ZMAT5: variants seen among roughly 807,000 people sequenced by gnomAD.
ZMAT5 encodes the protein zinc finger matrin-type 5.
A neutral mutation model predicts 28.0 loss-of-function variants in ZMAT5; 23 were observed. The observed-to-expected ratio is 0.82, with a 90% confidence interval of 0.59 to 1.16. The LOEUF (loss-of-function observed/expected upper bound fraction) is 1.16, where lower values mean the gene tolerates loss of function less well. ZMAT5 is among the 50% of genes most tolerant of loss of function. The probability of loss-of-function intolerance (pLI) is 0.00; values close to 1 mark genes in which losing one functional copy is unlikely to be tolerated. For missense variants in ZMAT5, 173 were observed against 212.7 expected, an observed-to-expected ratio of 0.81 and a Z score of 1.16; for synonymous variants, 76 against 84.1, an observed-to-expected ratio of 0.90 and a Z score of 0.52.
At chr22:29,754,215 T>G (rs117750923) in intron 1 of ZMAT5, among the ~76,000 whole-genome samples, 2,863 of 152,180 alleles carry the variant, frequency 0.019, 43 homozygotes, top group Middle Eastern at 0.037. Flanking sequence ...CCTCTGAGGG[T>G]GGCACACGCA....
chr22:29,734,866 C>T (rs911659897), intron 5 of ZMAT5, among the ~76,000 whole-genome samples: 5 of 152,062 alleles, frequency 3.3e-5, no homozygotes, highest in East Asian at 3.9e-4. Flanking sequence ...TGGGGCTGTG[C>T]GGCCAGAGGT....
intron 1 of ZMAT5, among the ~76,000 whole-genome samples, chr22:29,753,516 C>T (rs131269): frequency 0.26 from 40,205 of 151,748 alleles, 6,753 homozygotes; most frequent in Non-Finnish European, 0.39. Flanking sequence ...CAGAGCAAGA[C>T]TCCATCTGAA....
At chr22:29,731,501 G>T in intron 5 of ZMAT5, 147 bp from the exon 6 acceptor site, 1 of 1,122,786 alleles carries the variant, frequency 8.9e-7, no homozygotes, top group Non-Finnish European at 1.2e-6. Flanking sequence ...TCGAAAATAG[G>T]CAGACCGTTT....
At chr22:29,739,632 C>T (rs771574900) in intron 4 of ZMAT5, among the ~76,000 whole-genome samples, 8 of 152,342 alleles carry the variant, frequency 5.3e-5, no homozygotes, top group African/African-American at 9.6e-5. Flanking sequence ...TGTCCCCGCT[C>T]GGCATCGTCT....
intron 5 of ZMAT5, among the ~76,000 whole-genome samples, chr22:29,732,564 C>T (rs550989832): frequency 2.0e-5 from 3 of 151,922 alleles, no homozygotes; most frequent in East Asian, 1.9e-4. Flanking sequence ...GGTGAAACCC[C>T]GTCTCTACTA....
At chr22:29,748,942 G>T (rs1052629814) in intron 1 of ZMAT5, among the ~76,000 whole-genome samples, 6 of 152,204 alleles carry the variant, frequency 3.9e-5, no homozygotes, top group African/African-American at 1.4e-4. Context: ...CTCTCAAAGT[G>T]CTGGGATTAC....
chr22:29,737,005 G>A (rs575226977), intron 5 of ZMAT5, among the ~76,000 whole-genome samples: 159 of 143,742 alleles, frequency 1.1e-3, no homozygotes, highest in Middle Eastern at 4.3e-3. Flanking sequence ...CAGCCTGGGC[G>A]GTAGAGCAAG....
intron 2 of ZMAT5, chr22:29,747,386 G>C (rs2068017789): frequency 6.6e-6 from 1 of 152,218 alleles, no homozygotes; most frequent in African/African-American, 2.4e-5. Flanking sequence ...CAAAGTGCTA[G>C]GATTACAGGG....
chr22:29,751,768 A>G (rs1601725611), intron 1 of ZMAT5, among the ~76,000 whole-genome samples: 1 of 152,134 alleles, frequency 6.6e-6, no homozygotes, highest in South Asian at 2.1e-4. Flanking sequence ...GGAGTTCAAG[A>G]CCAGCCTGGG....
chr22:29,738,729 C>T (rs892044095), intron 4 of ZMAT5, among the ~76,000 whole-genome samples: 1 of 152,078 alleles, frequency 6.6e-6, no homozygotes, highest in Non-Finnish European at 1.5e-5. Flanking sequence ...CCTGGCCAGG[C>T]GTGGTGGCTC....
chr22:29,765,611 T>C (rs923755092), intron 1 of ZMAT5, among the ~76,000 whole-genome samples: 2 of 151,844 alleles, frequency 1.3e-5, no homozygotes, highest in South Asian at 2.1e-4. Flanking sequence ...GGCTCACGCC[T>C]GTAATCCCAG....
chr22:29,741,648 G>A (rs1428014398), intron 3 of ZMAT5, among the ~76,000 whole-genome samples: 2 of 152,076 alleles, frequency 1.3e-5, no homozygotes, highest in Non-Finnish European at 2.9e-5. Flanking sequence ...TTTACCTCTT[G>A]CTCTGTCTTT....
At chr22:29,733,339 C>T (rs917625690) in intron 5 of ZMAT5, among the ~76,000 whole-genome samples, 2 of 152,138 alleles carry the variant, frequency 1.3e-5, no homozygotes, top group Admixed American at 6.5e-5. Flanking sequence ...CTCTGACCTC[C>T]GAGGGGGAGG....
At chr22:29,752,638 G>A (rs1330797050) in intron 1 of ZMAT5, among the ~76,000 whole-genome samples, 2 of 152,196 alleles carry the variant, frequency 1.3e-5, no homozygotes, top group Non-Finnish European at 2.9e-5. Context: ...TGCAGTGGCA[G>A]GACCAGTTGA....
Position 29,738,273 on chromosome 22 carries a change from C to G in ZMAT5, c.383+57G>C, listed in dbSNP as rs922355617. The G allele has an allele frequency of 1.6e-5, 24 of 1,489,202 alleles. No homozygotes were observed. The South Asian group carries it at 2.7e-4, about 17-fold the overall frequency. The allele number at this position is 1,489,202 out of a possible 1,614,324, so 92.2% of individuals were successfully genotyped here. A position where few individuals can be genotyped will look rare whatever the true frequency, so the allele number is the denominator to read the frequency against. On this transcript the variant is annotated intron_variant, in intron 5 of 5. Transcript: ENST00000344318. ...TTCCTGAGCCTCAGGAAGGGGAAGG[C>G]GGGCTGGGGTTTTGCCCCCAGGGGG...
chr22:29,738,377 G>C lies in ZMAT5; in HGVS notation c.336C>G (p.Asp112Glu). 1 of 1,610,652 alleles carries C rather than the reference G, an allele frequency of 6.2e-7. No individual in the cohort carries two copies. The highest frequency in any genetic ancestry group is 8.5e-7 in the Non-Finnish European group (1 of 1,179,748). ...APELPEGHLE[D>E]WLEKRAKRLS... ...GCCGCTTGGCTCTCTTCTCCAGCCA[G>C]TCCTCCAGATGGCCCTCGGGGAGCT... Residue 112 changes from aspartate to glutamate, a missense_variant, in exon 5 of 6, where the codon GAC (aspartate) becomes GAG (glutamate). Transcript: ENST00000344318.
chr22:29,753,346 G>A lies in ZMAT5; in HGVS notation c.-27-4775C>T, dbSNP rs556822074. ...TAGAGACCAGCCTGGCCAACACAGT[G>A]AAACCCTGTCTCTACTAAAAATACA... On this transcript the variant is annotated intron_variant, in intron 1 of 5. Transcript: ENST00000344318. 2.0e-5 allele frequency among the ~76,000 whole-genome samples: 3 copies of A among 152,324 alleles called. No individual in the cohort carries two copies. In the South Asian group the frequency reaches 6.2e-4, roughly 32 times the overall value.
intron 2 of ZMAT5, among the ~76,000 whole-genome samples, chr22:29,743,053 A>G (rs2067978121): frequency 6.6e-6 from 1 of 151,844 alleles, no homozygotes; most frequent in Admixed American, 6.6e-5. Context: ...TTTGGCCTCC[A>G]AAAGTGCTAG....
At chr22:29,762,972 G>A (rs1403602663) in intron 1 of ZMAT5, among the ~76,000 whole-genome samples, 1 of 152,058 alleles carries the variant, frequency 6.6e-6, no homozygotes, top group Non-Finnish European at 1.5e-5. Flanking sequence ...CATCCCTTGT[G>A]GCCAGGAGTT....
Sources: gnomAD v4.1 joint callset for allele counts (sites outside exome capture counted in the v4.1 genomes callset) on GRCh38, gnomAD v4.1.1 for gene constraint, MANE v1.5 for transcripts, NCBI Gene and HGNC (gene_info 2026-07-23, HGNC 2026-07-21) for gene names.